The following CNIH3 variants were observed in gnomAD, a reference collection of about 807,000 sequenced individuals.
CNIH3 encodes the protein protein cornichon homolog 3.
A neutral mutation model predicts 24.1 loss-of-function variants in CNIH3; 14 were observed. That is an observed-to-expected ratio of 0.58 (90% confidence interval 0.38 to 0.91). The LOEUF is 0.91. Ranked by LOEUF, CNIH3 falls within the 40% of genes least tolerant of loss-of-function variation. The pLI is 0.00. For missense variants in CNIH3, 178 were observed against 196.8 expected (o/e 0.90, Z 0.57); for synonymous variants, 68 against 73.8 (o/e 0.92, Z 0.40).
In CNIH3 at chr1:224,463,773, A is replaced by ATTTTTTTTTTTTTTTTTTTTTTTT. The variant is rs56137320; in HGVS notation, n.203+28924_203+28947dup. Among the ~76,000 whole-genome samples, 3 of 20,706 alleles carry ATTTTTTTTTTTTTTTTTTTTTTTT rather than the reference A, an allele frequency of 1.4e-4. 1 individual carries two copies. The highest frequency in any genetic ancestry group is 5.2e-3 in the South Asian group (2 of 382). 13.6% of individuals were successfully genotyped at this position (20,706 alleles called of 152,430 possible). A position where few individuals can be genotyped will look rare whatever the true frequency, so the allele number is the denominator to read the frequency against. On this transcript the variant is annotated intron_variant and non_coding_transcript_variant, in intron 1 of 5. Transcript: ENST00000471578. ...TTCTCCCAGCTTATGAATTGTCCTC[A>ATTTTTTTTTTTTTTTTTTTTTTTT]TTTTTTTTTTTTTTTTTTTTTTTTT...
chr1:224,599,874 T>C (rs1286014199), intron 3 of CNIH3, among the ~76,000 whole-genome samples: 5 of 152,212 alleles, frequency 3.3e-5, no homozygotes, highest in Non-Finnish European at 7.3e-5. Context: ...TCACAAGTTA[T>C]GTTAAAATGA....
At chr1:224,692,801 G>C (rs1686992652) in intron 3 of CNIH3, among the ~76,000 whole-genome samples, 1 of 152,172 alleles carries the variant, frequency 6.6e-6, no homozygotes, top group South Asian at 2.1e-4. Flanking sequence ...CCACATTTCT[G>C]ATCACCACAT....
intron 1 of CNIH3, among the ~76,000 whole-genome samples, chr1:224,441,969 C>T (rs1674933943): frequency 6.6e-6 from 1 of 151,194 alleles, no homozygotes; most frequent in South Asian, 2.1e-4. Flanking sequence ...GGTGCTTAGC[C>T]AACTCAGGAC....
At chr1:224,735,080 G>T (rs1689528119) in intron 5 of CNIH3, among the ~76,000 whole-genome samples, 1 of 152,110 alleles carries the variant, frequency 6.6e-6, no homozygotes, top group African/African-American at 2.4e-5. Context: ...TGGCCACAGG[G>T]GCTCAGGCTC....
chr1:224,631,611 CT>C (rs1438069815), intron 1 of CNIH3, among the ~76,000 whole-genome samples: 1 of 152,158 alleles, frequency 6.6e-6, no homozygotes, highest in African/African-American at 2.4e-5. Context: ...CACAATATTA[CT>C]TAGCTTAGCT....
intron 3 of CNIH3, among the ~76,000 whole-genome samples, chr1:224,691,837 T>C (rs965047568): frequency 3.3e-5 from 5 of 152,252 alleles, no homozygotes; most frequent in African/African-American, 1.2e-4. Context: ...AAAGTGATCT[T>C]ATTCTTTGCC....
chr1:224,503,202 TATACA>T (rs1379497334), intron 1 of CNIH3, among the ~76,000 whole-genome samples: 1 of 152,212 alleles, frequency 6.6e-6, no homozygotes, highest in African/African-American at 2.4e-5. Flanking sequence ...CTAAATGTCA[TATACA>T]ATTTAATTGT....
In CNIH3 at chr1:224,677,263, T is replaced by C. The variant is rs1475186185; in HGVS notation, c.82-3695T>C. ...AGCAGACAATACATGAGAGCTGTTA[T>C]TACAATCGTCTTGATAGCCCTCATC... is the stretch of plus-strand genomic sequence containing the variant. On this transcript the variant is annotated intron_variant, in intron 1 of 5. Coordinates refer to ENST00000272133, the MANE Select transcript of CNIH3 (RefSeq NM_152495.2). Among the ~76,000 whole-genome samples, 16 of 152,184 alleles carry C rather than the reference T, an allele frequency of 1.1e-4. No homozygotes were observed. In the East Asian group the frequency reaches 2.5e-3, roughly 24 times the overall value.
At chr1:224,495,975 G>T (rs1044958433) in intron 1 of CNIH3, among the ~76,000 whole-genome samples, 1 of 152,120 alleles carries the variant, frequency 6.6e-6, no homozygotes, top group Admixed American at 6.5e-5. Context: ...GGCAGAGAGA[G>T]CGCAACTAAG....
intron 4 of CNIH3, among the ~76,000 whole-genome samples, chr1:224,566,920 T>G (rs1390665218): frequency 6.6e-6 from 1 of 152,226 alleles, no homozygotes; most frequent in African/African-American, 2.4e-5. Context: ...TATTTCTAGT[T>G]CTAGATCCTT....
chr1:224,488,641 A>G (rs568416566), intron 1 of CNIH3, among the ~76,000 whole-genome samples: 2 of 152,000 alleles, frequency 1.3e-5, no homozygotes, highest in Non-Finnish European at 2.9e-5. Flanking sequence ...AATTTTTCAA[A>G]ATTTGTTGTA....
At chr1:224,488,246 C>G (rs1677101364) in intron 1 of CNIH3, among the ~76,000 whole-genome samples, 1 of 151,924 alleles carries the variant, frequency 6.6e-6, no homozygotes, top group Non-Finnish European at 1.5e-5. Context: ...TTTGGCTACC[C>G]CATTCTATTT....
chr1:224,511,120 A>G (rs536400697), upstream of CNIH3, among the ~76,000 whole-genome samples: 2 of 152,344 alleles, frequency 1.3e-5, no homozygotes, highest in South Asian at 4.1e-4. Context: ...GCATTACAGT[A>G]TATCACGAGA....
Position 224,714,949 on chromosome 1 carries a change from A to T in CNIH3, c.199-15513A>T, listed in dbSNP as rs115370023. On this transcript the variant is annotated intron_variant, in intron 3 of 5. Transcript: ENST00000272133. ...GACTAATCCAGATTTCACCTTACGT[A>T]GTAAGGAACAGGATCAATATTTCTG... Among the ~76,000 whole-genome samples, 669 of 152,328 alleles carry T rather than the reference A, an allele frequency of 4.4e-3. 5 individuals carry two copies. Among genetic ancestry groups the T allele is most frequent in the Non-Finnish European group, 8.0e-3 (547 of 68,026 alleles).
chr1:224,576,591 C>T (rs1011765305), intron 4 of CNIH3, among the ~76,000 whole-genome samples: 2 of 152,196 alleles, frequency 1.3e-5, no homozygotes, highest in Admixed American at 1.3e-4. Context: ...AGTTAACATT[C>T]AGTGTTTGCA....
chr1:224,496,152 G>A (rs759632236), intron 1 of CNIH3, among the ~76,000 whole-genome samples: 25 of 152,104 alleles, frequency 1.6e-4, no homozygotes, highest in Non-Finnish European at 2.9e-4. Flanking sequence ...ACTACATGTC[G>A]TTCTCAATAC....
intron 1 of CNIH3, among the ~76,000 whole-genome samples, chr1:224,618,572 A>T (rs1279639558): frequency 6.6e-6 from 1 of 152,192 alleles, no homozygotes; most frequent in South Asian, 2.1e-4. Context: ...GGAGAGGGGA[A>T]ACTCGGGGAG....
intron 4 of CNIH3, among the ~76,000 whole-genome samples, chr1:224,569,060 G>A (rs1475445325): frequency 6.6e-6 from 1 of 152,126 alleles, no homozygotes; most frequent in East Asian, 1.9e-4. Context: ...TAGAGACGGG[G>A]TTTCTCCATG....
intron 1 of CNIH3, among the ~76,000 whole-genome samples, chr1:224,660,661 G>A (rs1374497907): frequency 1.3e-5 from 2 of 152,104 alleles, no homozygotes; most frequent in Non-Finnish European, 2.9e-5. Context: ...CAAATTGCCA[G>A]CATTTATGCA....
Sources: allele counts gnomAD v4.1 joint callset (sites outside exome capture counted in the v4.1 genomes callset), GRCh38; gene constraint gnomAD v4.1.1; transcripts MANE v1.5; gene names NCBI Gene and HGNC (gene_info 2026-07-23, HGNC 2026-07-21).